Variants in DPYD observed in about 807,000 individuals in gnomAD.
The protein encoded by DPYD is dihydropyrimidine dehydrogenase [NADP(+)].
A neutral mutation model predicts 116.2 loss-of-function variants in DPYD; 109 were observed. The observed-to-expected ratio is 0.94, with a 90% CI of 0.80 to 1.10. The LOEUF is 1.10. DPYD is among the 50% of genes least tolerant of loss of function. The pLI is 0.00. For synonymous variants in DPYD, 440 were observed against 432.0 expected (o/e 1.02, Z -0.23); for missense variants, 1,302 against 1,254.5 (o/e 1.04, Z -0.57).
intron 20 of DPYD, among the ~76,000 whole-genome samples, chr1:97,122,561 A>C (rs1325108024): frequency 6.6e-6 from 1 of 152,128 alleles, no homozygotes. Flanking sequence ...TAGTATTCTT[A>C]ATCTGAATGG....
chr1:97,310,605 A>AT (rs377189408), intron 16 of DPYD, among the ~76,000 whole-genome samples: 1 of 151,906 alleles, frequency 6.6e-6, no homozygotes, highest in East Asian at 1.9e-4. Flanking sequence ...TTTATTAACT[A>AT]TTTTTTAGCA....
intron 3 of DPYD, among the ~76,000 whole-genome samples, chr1:97,790,449 C>G (rs1309803430): frequency 6.6e-6 from 1 of 152,150 alleles, no homozygotes; most frequent in African/African-American, 2.4e-5. Context: ...AACTGATTTT[C>G]TACAGAATTT....
intron 20 of DPYD, among the ~76,000 whole-genome samples, chr1:97,148,000 T>C (rs1408871613): frequency 6.6e-6 from 1 of 152,072 alleles, no homozygotes; most frequent in East Asian, 1.9e-4. Context: ...AGAAGGGAGA[T>C]AAGTGCAAGG....
intron 3 of DPYD, among the ~76,000 whole-genome samples, chr1:97,771,289 A>G (rs1241672734): frequency 3.9e-5 from 6 of 152,204 alleles, no homozygotes; most frequent in African/African-American, 1.4e-4. Context: ...AAAAATATTA[A>G]TTTTGGAAAG....
intron 12 of DPYD, among the ~76,000 whole-genome samples, chr1:97,517,067 G>T (rs1444336846): frequency 6.6e-6 from 1 of 151,916 alleles, no homozygotes; most frequent in Non-Finnish European, 1.5e-5. Context: ...AATTATTTCT[G>T]GCCCTCCACC....
intron 20 of DPYD, among the ~76,000 whole-genome samples, chr1:97,107,375 A>C (rs139711831): frequency 3.9e-5 from 6 of 152,256 alleles, no homozygotes; most frequent in African/African-American, 1.4e-4. Flanking sequence ...GGGAAGGGTA[A>C]AATGACTTAG....
intron 20 of DPYD, among the ~76,000 whole-genome samples, chr1:97,141,667 A>G (rs192388671): frequency 4.6e-4 from 70 of 152,180 alleles, no homozygotes; most frequent in Non-Finnish European, 6.9e-4. Context: ...CTGTTTGTTC[A>G]TTTTTATCTC....
intron 8 of DPYD, among the ~76,000 whole-genome samples, chr1:97,608,800 G>C (rs1471240800): frequency 6.6e-6 from 1 of 151,630 alleles, no homozygotes; most frequent in African/African-American, 2.4e-5. Context: ...TGTGCAATTG[G>C]CAAACAGTCA....
At chr1:97,470,987 T>C (rs1201612430) in intron 13 of DPYD, among the ~76,000 whole-genome samples, 1 of 150,784 alleles carries the variant, frequency 6.6e-6, no homozygotes, top group Non-Finnish European at 1.5e-5. Context: ...CAAGACTTCA[T>C]CTCAAAAAAA....
At chr1:97,347,463 A>G (rs950587934) in intron 16 of DPYD, among the ~76,000 whole-genome samples, 1 of 152,038 alleles carries the variant, frequency 6.6e-6, no homozygotes, top group Non-Finnish European at 1.5e-5. Context: ...ACCTGGATTT[A>G]CTGAGATAAG....
intron 10 of DPYD, among the ~76,000 whole-genome samples, chr1:97,583,170 TG>T (rs1233740117): frequency 1.3e-5 from 2 of 152,000 alleles, no homozygotes; most frequent in African/African-American, 4.8e-5. Context: ...GGGGTTTCAC[TG>T]TGTTAGCCAG....
At chr1:97,836,641 T>C (rs971753636) in intron 2 of DPYD, among the ~76,000 whole-genome samples, 11 of 151,950 alleles carry the variant, frequency 7.2e-5, no homozygotes, top group African/African-American at 2.7e-4. Context: ...AATTCTCTGA[T>C]TGGAAAAAAA....
intron 13 of DPYD, among the ~76,000 whole-genome samples, chr1:97,455,434 C>A (rs1676628466): frequency 6.6e-6 from 1 of 151,816 alleles, no homozygotes; most frequent in Admixed American, 6.6e-5. Context: ...ACTAGGAGTT[C>A]AAAAATTAAA....
intron 13 of DPYD, among the ~76,000 whole-genome samples, chr1:97,514,445 T>C (rs774019798): frequency 3.3e-5 from 5 of 151,874 alleles, no homozygotes; most frequent in Non-Finnish European, 7.4e-5. Flanking sequence ...AGTCAGTATA[T>C]GCTATCTGAG....
chr1:97,177,697 T>C (rs6676351), intron 20 of DPYD, among the ~76,000 whole-genome samples: 1,923 of 151,992 alleles, frequency 0.013, 44 homozygotes, highest in African/African-American at 0.045. Context: ...ATGAGTAAGG[T>C]GCACACTCTT....
intron 13 of DPYD, among the ~76,000 whole-genome samples, chr1:97,499,286 C>A (rs949552271): frequency 6.6e-6 from 1 of 151,622 alleles, no homozygotes; most frequent in African/African-American, 2.4e-5. Context: ...ATGAAGTCTT[C>A]CAAGACTTTG....
chr1:97,434,364 C>T (rs1675346601), intron 14 of DPYD, among the ~76,000 whole-genome samples: 1 of 152,044 alleles, frequency 6.6e-6, no homozygotes, highest in African/African-American at 2.4e-5. Context: ...TAAGTTATTT[C>T]TTTGCTTCAT....
chr1:97,477,341 A>G (rs932051321), intron 13 of DPYD, among the ~76,000 whole-genome samples: 2 of 152,204 alleles, frequency 1.3e-5, no homozygotes, highest in Non-Finnish European at 2.9e-5. Context: ...GATTGCAGGA[A>G]TTAAGTCACA....
intron 15 of DPYD, among the ~76,000 whole-genome samples, chr1:97,380,431 A>T (rs74105147): frequency 0.017 from 2,626 of 152,294 alleles, 76 homozygotes; most frequent in African/African-American, 0.06. Flanking sequence ...AAACATGACA[A>T]ATTCAAACCA....
Sources: gnomAD v4.1 joint callset for allele counts (sites outside exome capture counted in the v4.1 genomes callset) on GRCh38, gnomAD v4.1.1 for gene constraint, MANE v1.5 for transcripts, NCBI Gene and HGNC (gene_info 2026-07-23, HGNC 2026-07-21) for gene names.